Variants in NOX4 observed in about 807,000 individuals in gnomAD.
NOX4 encodes the protein kidney oxidase-1.
NOX4 carries 69 observed loss-of-function variants against 87.6 expected under a neutral mutation model. The ratio of observed to expected loss-of-function variants is 0.79; its 90% CI spans 0.65 to 0.96. The LOEUF (loss-of-function observed/expected upper bound fraction) is 0.96. Among genes scored for constraint, NOX4 ranks in the 40% least tolerant of loss-of-function variants. The pLI, the probability that NOX4 is intolerant of heterozygous loss-of-function variation, is 0.00. For synonymous variants in NOX4, 275 were observed against 238.2 expected (o/e 1.15, Z -1.42); for missense variants, 680 against 681.5 (o/e 1.00, Z 0.02).
At chr11:89,392,035 A>G (rs1412624415) in intron 11 of NOX4, among the ~76,000 whole-genome samples, 2 of 150,924 alleles carry the variant, frequency 1.3e-5, no homozygotes, top group East Asian at 3.9e-4. Flanking sequence ...TTTCCAGAGA[A>G]CAATCTTTCT....
At position 89,348,246 on chromosome 11, in the gene NOX4, C is replaced by T. The variant is rs944352635; in HGVS notation, c.1218-6053G>A. 2.6e-5 allele frequency among the ~76,000 whole-genome samples: 4 copies of T among 152,002 alleles called. No homozygotes were observed. The South Asian group carries it at 6.2e-4, about 24-fold the overall frequency. ...CCTGGCCAATATGGTGAAACCTTGT[C>T]TCTACTAAAAACGCAAAAATTAGCT... On this transcript the variant is annotated intron_variant, in intron 13 of 17. Coordinates refer to ENST00000263317, the MANE Select transcript of NOX4 (RefSeq NM_016931.5).
intron 8 of NOX4, among the ~76,000 whole-genome samples, chr11:89,406,393 T>G (rs1416375376): frequency 1.3e-5 from 2 of 152,124 alleles, no homozygotes; most frequent in East Asian, 3.8e-4. Context: ...TTCTTTAAAG[T>G]AGAATGAAAT....
chr11:89,414,355 C>G (rs1942646927), intron 8 of NOX4, among the ~76,000 whole-genome samples: 1 of 151,814 alleles, frequency 6.6e-6, no homozygotes, highest in Non-Finnish European at 1.5e-5. Flanking sequence ...AGAGAAAATT[C>G]ATAGCAAAAT....
intron 11 of NOX4, among the ~76,000 whole-genome samples, chr11:89,385,470 C>G (rs748121143): frequency 2.0e-5 from 3 of 152,186 alleles, no homozygotes; most frequent in Non-Finnish European, 4.4e-5. Flanking sequence ...CTATCAATCT[C>G]TTCCCAAACA....
At chr11:89,380,080 C>G (rs1940159425) in intron 11 of NOX4, among the ~76,000 whole-genome samples, 1 of 152,072 alleles carries the variant, frequency 6.6e-6, no homozygotes, top group Non-Finnish European at 1.5e-5. Flanking sequence ...AAAATCTGGG[C>G]TAGGAATATA....
chr11:89,328,906 C>T (rs1256162259), intron 17 of NOX4, among the ~76,000 whole-genome samples: 1 of 151,970 alleles, frequency 6.6e-6, no homozygotes, highest in East Asian at 1.9e-4. Context: ...AGAACATAGC[C>T]ATCTGCAAGT....
At chr11:89,422,705 G>T (rs1311592366) in intron 7 of NOX4, among the ~76,000 whole-genome samples, 1 of 151,686 alleles carries the variant, frequency 6.6e-6, no homozygotes. Context: ...TACTTAAGCA[G>T]CAAGCAATTG....
chr11:89,375,937 G>A (rs1207620020), intron 11 of NOX4, among the ~76,000 whole-genome samples: 1 of 152,312 alleles, frequency 6.6e-6, no homozygotes, highest in East Asian at 1.9e-4. Context: ...TGTGGCTTGA[G>A]TTAATCTCAT....
chr11:89,331,857 T>C lies in NOX4; in HGVS notation c.1616+3988A>G, dbSNP rs146633147. Among the ~76,000 whole-genome samples, 1,296 of 151,996 alleles carry C rather than the reference T, an allele frequency of 8.5e-3. 18 individuals carry two copies. Among genetic ancestry groups the C allele is most frequent in the African/African-American group, 0.03 (1,235 of 41,526 alleles). The stretch of plus-strand genomic sequence containing the variant: ...CTCTCTGATATCCTCTCCGTGTGTG[T>C]GCGATTTGAGGATTCCCTAATGTCA... On this transcript the variant is annotated intron_variant, in intron 17 of 17. Transcript: ENST00000263317.
At chr11:89,448,221 C>A (rs200616173) in intron 4 of NOX4, among the ~76,000 whole-genome samples, 1 of 151,554 alleles carries the variant, frequency 6.6e-6, no homozygotes, top group African/African-American at 2.4e-5. Flanking sequence ...CAGTTAAAAA[C>A]AACAACAACA....
intron 2 of NOX4, among the ~76,000 whole-genome samples, chr11:89,490,234 T>C (rs187129535): frequency 2.6e-5 from 4 of 152,354 alleles, no homozygotes; most frequent in Admixed American, 1.3e-4. Context: ...GGTTCATTCG[T>C]TTCACTTCAG....
chr11:89,583,134 C>CTAGCCATTGAA, the NOX4 span, among the ~76,000 whole-genome samples: 1 of 151,966 alleles, frequency 6.6e-6, no homozygotes, highest in Non-Finnish European at 1.5e-5. Flanking sequence ...ACATTACAAA[C>CTAGCCATTGAA]AATGGCCAAA....
At chr11:89,463,333 G>A (rs1468729684) in intron 2 of NOX4, among the ~76,000 whole-genome samples, 1 of 151,850 alleles carries the variant, frequency 6.6e-6, no homozygotes, top group African/African-American at 2.4e-5. Context: ...TGGTATTGAT[G>A]CAATATTTTT....
At position 89,421,918 on chromosome 11, in the gene NOX4, TCAG is replaced by T; in HGVS notation, c.610_612del (p.Leu204del). 1 of 1,570,042 alleles carries T rather than the reference TCAG, an allele frequency of 6.4e-7. No homozygotes were observed. The highest frequency in any genetic ancestry group is 8.6e-7 in the Non-Finnish European group (1 of 1,161,110). The stretch of plus-strand genomic sequence containing the variant: ...TAAACTTACCCTGAAACATGCAACG[TCAG>T]CAGCATGTAGAAGACAAAGAAGAGG... On this transcript the variant is annotated inframe_deletion, in exon 8 of 18. Coordinates refer to ENST00000263317, the MANE Select transcript of NOX4 (RefSeq NM_016931.5).
intron 7 of NOX4, among the ~76,000 whole-genome samples, chr11:89,428,195 C>G (rs947859526): frequency 6.6e-5 from 10 of 152,094 alleles, no homozygotes; most frequent in East Asian, 1.9e-4. Context: ...CACCAGGCCT[C>G]CCCTAAAAGA....
upstream of NOX4, among the ~76,000 whole-genome samples, chr11:89,491,803 C>CA (rs1946867922): frequency 6.6e-6 from 1 of 151,280 alleles, no homozygotes; most frequent in Non-Finnish European, 1.5e-5. Flanking sequence ...TGTTTTCCCC[C>CA]AAAAAAGTTC....
chr11:89,395,269 T>C (rs1941398567), intron 11 of NOX4, among the ~76,000 whole-genome samples: 3 of 152,238 alleles, frequency 2.0e-5, no homozygotes, highest in African/African-American at 7.2e-5. Flanking sequence ...ATGAGCATTT[T>C]TTCATGTGTC....
chr11:89,520,384 G>A, the NOX4 span, among the ~76,000 whole-genome samples: 1 of 151,942 alleles, frequency 6.6e-6, no homozygotes, highest in East Asian at 1.9e-4. Context: ...ATACTTCAAA[G>A]CATATATCCC....
chr11:89,491,033 T>G, intron 1 of NOX4, 157 bp downstream of exon 1: 2 of 805,276 alleles, frequency 2.5e-6, no homozygotes, highest in Non-Finnish European at 4.2e-6. Context: ...AGGGGGAGTG[T>G]TCATTGTTAT....
Sources: gnomAD v4.1 joint callset for allele counts (sites outside exome capture counted in the v4.1 genomes callset) on GRCh38, gnomAD v4.1.1 for gene constraint, MANE v1.5 for transcripts, NCBI Gene and HGNC (gene_info 2026-07-23, HGNC 2026-07-21) for gene names.